GLIS3: variants seen among roughly 807,000 people sequenced by gnomAD.
The protein encoded by GLIS3 is zinc finger protein GLIS3.
A neutral mutation model predicts 78.6 loss-of-function variants in GLIS3; 53 were observed. The ratio of observed to expected loss-of-function variants is 0.67; its 90% CI spans 0.54 to 0.85. GLIS3 has a LOEUF of 0.85. GLIS3 is among the 40% of genes least tolerant of loss of function. The pLI is 0.00. For missense variants in GLIS3, 1,703 were observed against 1,231.1 expected (o/e 1.38, Z -5.74); for synonymous variants, 684 against 509.9 (o/e 1.34, Z -4.60).
At chr9:4,058,379 C>T (rs900701754) in intron 4 of GLIS3, among the ~76,000 whole-genome samples, 3 of 151,954 alleles carry the variant, frequency 2.0e-5, no homozygotes, top group African/African-American at 4.8e-5. Flanking sequence ...CTCTATTCAA[C>T]AGTGTTTTTC....
chr9:4,061,309 T>C (rs544712677), intron 4 of GLIS3, among the ~76,000 whole-genome samples: 3 of 147,272 alleles, frequency 2.0e-5, no homozygotes, highest in East Asian at 4.1e-4. Context: ...AGTGAGAACA[T>C]GCGGTGTTTG....
intron 4 of GLIS3, chr9:4,036,068 A>G (rs1295443786): frequency 6.6e-6 from 1 of 152,220 alleles, no homozygotes; most frequent in East Asian, 1.9e-4. Context: ...CTAGGCTGAA[A>G]GATTCAAGGT....
At chr9:4,202,070 G>A (rs7872088) in intron 2 of GLIS3, among the ~76,000 whole-genome samples, 14,103 of 151,886 alleles carry the variant, frequency 0.093, 766 homozygotes, top group East Asian at 0.22. Context: ...CCCGGGAGAC[G>A]GAGGTTGCAG....
chr9:3,950,261 C>A (rs1276476127), intron 4 of GLIS3, among the ~76,000 whole-genome samples: 3 of 152,250 alleles, frequency 2.0e-5, no homozygotes, highest in Non-Finnish European at 4.4e-5. Context: ...CCCCCATCCA[C>A]TCTTGTCCTC....
chr9:4,011,420 A>G (rs943383017), intron 4 of GLIS3, among the ~76,000 whole-genome samples: 10 of 152,188 alleles, frequency 6.6e-5, no homozygotes, highest in African/African-American at 2.2e-4. Context: ...TTTTGTTACG[A>G]GGCACTCGGC....
intron 9 of GLIS3, among the ~76,000 whole-genome samples, chr9:3,849,311 G>A (rs915825388): frequency 3.9e-5 from 6 of 152,196 alleles, no homozygotes; most frequent in African/African-American, 1.4e-4. Context: ...CCCCTCCGGT[G>A]TGCCTATCCA....
At chr9:4,026,906 G>A (rs1374358816) in intron 4 of GLIS3, among the ~76,000 whole-genome samples, 1 of 152,174 alleles carries the variant, frequency 6.6e-6, no homozygotes, top group Non-Finnish European at 1.5e-5. Flanking sequence ...GAGAAACAAA[G>A]ATAAAACTTA....
chr9:3,892,419 G>C (rs1424899153), intron 7 of GLIS3, among the ~76,000 whole-genome samples: 3 of 152,172 alleles, frequency 2.0e-5, no homozygotes, highest in African/African-American at 7.2e-5. Context: ...CAATATTGAG[G>C]AAGACAGCAT....
chr9:3,909,663 A>T (rs1333036249), intron 6 of GLIS3, among the ~76,000 whole-genome samples: 2 of 152,232 alleles, frequency 1.3e-5, no homozygotes, highest in Non-Finnish European at 2.9e-5. Context: ...GATCATGAAA[A>T]ATCAGTGTCA....
In GLIS3 at chr9:3,829,482, C is replaced by G; in HGVS notation, c.2484G>C (p.Gly828=). Residue 828 remains glycine, a synonymous_variant, in exon 10 of 11, where the codon GGG becomes GGC. Transcript: ENST00000381971. The stretch of plus-strand genomic sequence containing the variant: ...GTGGGGGACAGAACTTCTGCAGCTG[C>G]CCATAAAATCCTGAAACGCAAGCAT... ...PNGIHVHGFY[G]QLQKFCPPHY... is the part of the protein sequence containing the mutation. 1.2e-6 allele frequency: 2 copies of G among 1,614,082 alleles called. No individual in the cohort carries two copies. The highest frequency in any genetic ancestry group is 1.7e-6 in the Non-Finnish European group (2 of 1,179,994).
intron 4 of GLIS3, among the ~76,000 whole-genome samples, chr9:3,997,998 T>A (rs752311150): frequency 7.2e-5 from 11 of 152,196 alleles, no homozygotes; most frequent in Non-Finnish European, 1.3e-4. Flanking sequence ...AGAAGCTTCA[T>A]TCATTTCTTT....
intron 2 of GLIS3, among the ~76,000 whole-genome samples, chr9:4,161,225 A>G (rs1835453653): frequency 6.6e-6 from 1 of 152,136 alleles, no homozygotes; most frequent in Admixed American, 6.5e-5. Flanking sequence ...GTGAGCCATG[A>G]TCGTGCTACT....
At chr9:4,098,586 C>G (rs1026870914) in intron 4 of GLIS3, among the ~76,000 whole-genome samples, 1 of 152,212 alleles carries the variant, frequency 6.6e-6, no homozygotes, top group Non-Finnish European at 1.5e-5. Context: ...TTTCTCCCAA[C>G]TATGTATCCT....
intron 4 of GLIS3, among the ~76,000 whole-genome samples, chr9:3,963,255 T>G (rs1159970785): frequency 1.3e-5 from 2 of 152,188 alleles, no homozygotes; most frequent in East Asian, 3.8e-4. Context: ...ACTGAACCCT[T>G]TTGCAGGTTC....
chr9:4,094,550 C>T (rs1240656389), intron 4 of GLIS3, among the ~76,000 whole-genome samples: 1 of 152,118 alleles, frequency 6.6e-6, no homozygotes, highest in Admixed American at 6.5e-5. Flanking sequence ...AGGAATGTTC[C>T]GTTACTACCA....
Position 4,207,065 on chromosome 9 carries a change from G to A in GLIS3, c.388+78973C>T, listed in dbSNP as rs140717625. On this transcript the variant is annotated intron_variant, in intron 2 of 10. Coordinates refer to ENST00000381971, the MANE Select transcript of GLIS3 (RefSeq NM_001042413.2). ...AATAACAGAATCCCTAGACCAGAGG[G>A]CCCCTACAAAGGCAACACATTCATC... Among the ~76,000 whole-genome samples the A allele has an allele frequency of 4.0e-3, 612 of 152,226 alleles. 3 individuals are homozygous for A. The highest frequency in any genetic ancestry group is 0.014 in the African/African-American group (562 of 41,534).
At chr9:3,897,643 G>C (rs1455901341) in intron 7 of GLIS3, among the ~76,000 whole-genome samples, 1 of 152,210 alleles carries the variant, frequency 6.6e-6, no homozygotes, top group Middle Eastern at 3.4e-3. Flanking sequence ...AGGTCCAATG[G>C]GCCATGATTA....
chr9:4,202,090 G>C (rs1210604605), intron 2 of GLIS3, among the ~76,000 whole-genome samples: 1 of 151,692 alleles, frequency 6.6e-6, no homozygotes, highest in Non-Finnish European at 1.5e-5. Context: ...GTGAGCCAAG[G>C]TCACGCCACT....
chr9:3,864,054 G>A (rs1432864593), intron 8 of GLIS3, among the ~76,000 whole-genome samples: 2 of 152,100 alleles, frequency 1.3e-5, no homozygotes, highest in African/African-American at 2.4e-5. Context: ...AAGAAAGGCT[G>A]ATTCTGCCAA....
Sources: allele counts gnomAD v4.1 joint callset (sites outside exome capture counted in the v4.1 genomes callset), GRCh38; gene constraint gnomAD v4.1.1; transcripts MANE v1.5; gene names NCBI Gene and HGNC (gene_info 2026-07-23, HGNC 2026-07-21).